The following MSANTD7 variants were observed in gnomAD, a reference collection of about 807,000 sequenced individuals.
MSANTD7 encodes Myb/SANT DNA binding domain containing 7.
chr10:14,843,802 C>T, the MSANTD7 span: 17 of 1,536,182 alleles, frequency 1.1e-5, no homozygotes, highest in African/African-American at 5.5e-5. Context: ...CGCAGTCAGA[C>T]GTTTGGCAAC....
chr10:14,839,779 T>G, the MSANTD7 span: 1 of 536,630 alleles, frequency 1.9e-6, no homozygotes. Flanking sequence ...GTAATTAAAT[T>G]TGCAAGTTTA....
the MSANTD7 span, chr10:14,844,887 T>C: frequency 3.0e-6 from 3 of 985,468 alleles, no homozygotes; most frequent in South Asian, 1.4e-4. Context: ...TATTTTTTTG[T>C]CTAGTATGTT....
At chr10:14,846,457 A>G in the MSANTD7 span, 1 of 985,376 alleles carries the variant, frequency 1.0e-6, no homozygotes, top group Non-Finnish European at 1.2e-6. Context: ...AAAGGTCTTG[A>G]ATAAGTACAC....
chr10:14,845,991 T>A, the MSANTD7 span: 3 of 933,460 alleles, frequency 3.2e-6, no homozygotes, highest in African/African-American at 5.3e-5. Flanking sequence ...GAAATTTTAA[T>A]TGTAATATTT....
the MSANTD7 span, chr10:14,844,613 A>C: frequency 7.1e-6 from 7 of 985,360 alleles, no homozygotes; most frequent in East Asian, 7.9e-4. Flanking sequence ...ACTGGTTCTT[A>C]GTCTCCTATC....
the MSANTD7 span, chr10:14,838,552 G>A: frequency 7.9e-7 from 1 of 1,269,614 alleles, no homozygotes; most frequent in South Asian, 1.4e-5. Flanking sequence ...GCGTGTCGCC[G>A]GCCTAGGGAT....
chr10:14,840,048 A>G, the MSANTD7 span: 7 of 1,195,328 alleles, frequency 5.9e-6, no homozygotes, highest in Admixed American at 2.6e-5. Flanking sequence ...TGTAATATAT[A>G]TATATATATA....
At chr10:14,841,566 A>G in the MSANTD7 span, among the ~76,000 whole-genome samples, 3 of 152,186 alleles carry the variant, frequency 2.0e-5, no homozygotes, top group Non-Finnish European at 4.4e-5. Context: ...GATACAGAAC[A>G]TTTCCATAGA....
the MSANTD7 span, chr10:14,842,445 GCTT>G: frequency 1.4e-5 from 21 of 1,536,046 alleles, no homozygotes; most frequent in Non-Finnish European, 1.8e-5. The surrounding 1 kb of genome is among the most constrained non-coding windows in gnomAD (Gnocchi z 5.2). Context: ...CAGCAGGAGG[GCTT>G]CCGCCGCACC....
the MSANTD7 span, chr10:14,844,334 C>T: frequency 5.8e-6 from 6 of 1,041,604 alleles, no homozygotes; most frequent in African/African-American, 8.7e-5. Flanking sequence ...TTCATATGGC[C>T]TTGGCTGAGG....
the MSANTD7 span, chr10:14,846,973 G>T: frequency 1.0e-6 from 1 of 985,368 alleles, no homozygotes; most frequent in Non-Finnish European, 1.2e-6. Context: ...TCCTGGTGTG[G>T]ACAAATAAAG....
At chr10:14,842,730 A>G in the MSANTD7 span, 1 of 1,536,590 alleles carries the variant, frequency 6.5e-7, no homozygotes. This position sits in a 1 kb window ranked among gnomAD's most constrained non-coding sequence, Gnocchi z 5.2. Context: ...GCAGCTGATC[A>G]TCAGCCTATC....
chr10:14,845,121 C>T, the MSANTD7 span: 1 of 985,444 alleles, frequency 1.0e-6, no homozygotes, highest in Non-Finnish European at 1.2e-6. Flanking sequence ...GCCTCCTCCA[C>T]ACCCCAGACA....
At chr10:14,845,928 C>T in the MSANTD7 span, 11 of 728,598 alleles carry the variant, frequency 1.5e-5, no homozygotes, top group African/African-American at 1.9e-5. Context: ...TTTCCTAGTA[C>T]CTTCCAGCTC....
the MSANTD7 span, chr10:14,838,667 G>T: frequency 1.9e-6 from 1 of 527,782 alleles, no homozygotes; most frequent in Non-Finnish European, 3.3e-6. Context: ...CCGCGGCGGA[G>T]GCTCGCGGCG....
At chr10:14,844,776 A>C in the MSANTD7 span, 2 of 984,782 alleles carry the variant, frequency 2.0e-6, no homozygotes, top group African/African-American at 3.5e-5. Flanking sequence ...TATATGCCTA[A>C]ATTACATCTT....
the MSANTD7 span, chr10:14,842,280 C>G: frequency 6.5e-7 from 1 of 1,534,824 alleles, no homozygotes; most frequent in East Asian, 2.4e-5. This position sits in a 1 kb window ranked among gnomAD's most constrained non-coding sequence, Gnocchi z 5.2. Context: ...CCTTTCCAAC[C>G]CACAATGGCC....
chr10:14,838,451 G>C, the MSANTD7 span: 3 of 1,604,622 alleles, frequency 1.9e-6, no homozygotes, highest in African/African-American at 1.3e-5. Context: ...CTGTGTGGCC[G>C]TCTATAAGGT....
At chr10:14,845,230 G>A in the MSANTD7 span, 1 of 985,034 alleles carries the variant, frequency 1.0e-6, no homozygotes, top group Non-Finnish European at 1.2e-6. Context: ...AGCTTTTAGT[G>A]ATTTACTTAG....
Sources: gnomAD v4.1 joint callset for allele counts (sites outside exome capture counted in the v4.1 genomes callset) on GRCh38, gnomAD v4.1.1 for gene constraint, Gnocchi (gnomAD v3.1) non-coding constraint, MANE v1.5 for transcripts, NCBI Gene and HGNC (gene_info 2026-07-23, HGNC 2026-07-21) for gene names.